C1orf21: variants seen among roughly 807,000 people sequenced by gnomAD.
C1orf21 encodes the protein chromosome 1 open reading frame 21, also known as uncharacterized protein C1orf21.
In C1orf21, 3 loss-of-function variants were observed where a neutral mutation model predicts 18.7. That is an observed-to-expected ratio of 0.16 (90% CI 0.07 to 0.42). C1orf21 has a LOEUF of 0.42. Among genes scored for constraint, C1orf21 ranks in the 10% least tolerant of loss-of-function variants. The pLI is 0.99. For synonymous variants in C1orf21, 41 were observed against 46.4 expected (o/e 0.88, Z 0.47); for missense variants, 104 against 143.6 (o/e 0.72, Z 1.41).
intron 3 of C1orf21, among the ~76,000 whole-genome samples, chr1:184,584,050 A>G (rs1311940963): frequency 6.6e-6 from 1 of 150,516 alleles, no homozygotes; most frequent in African/African-American, 2.4e-5. Flanking sequence ...TGCTGCTGGT[A>G]GTGAACCACG....
chr1:184,597,189 C>A (rs561347566), intron 4 of C1orf21, among the ~76,000 whole-genome samples: 2 of 152,266 alleles, frequency 1.3e-5, no homozygotes, highest in South Asian at 4.1e-4. Context: ...TTTGAATGAT[C>A]AGATAAAGGG....
chr1:184,453,248 A>G (rs2101980534), intron 1 of C1orf21, among the ~76,000 whole-genome samples: 1 of 152,286 alleles, frequency 6.6e-6, no homozygotes. Context: ...ATGCAATATT[A>G]ACTAGCTGAC....
At chr1:184,573,641 T>C (rs569533216) in intron 3 of C1orf21, among the ~76,000 whole-genome samples, 3 of 152,296 alleles carry the variant, frequency 2.0e-5, no homozygotes, top group Admixed American at 1.3e-4. Context: ...TCACTTTTTT[T>C]TTCTACACAG....
intron 1 of C1orf21, among the ~76,000 whole-genome samples, chr1:184,470,023 A>G (rs558227700): frequency 3.9e-4 from 59 of 152,332 alleles, no homozygotes; most frequent in African/African-American, 1.4e-3. Flanking sequence ...CTCTTTGATT[A>G]AAATCAAATT....
chr1:184,462,160 C>T (rs28533064), intron 1 of C1orf21, among the ~76,000 whole-genome samples: 3,981 of 152,250 alleles, frequency 0.026, 146 homozygotes, highest in African/African-American at 0.089. Context: ...CTTCCTCATT[C>T]GATGGACCAC....
chr1:184,566,152 G>A (rs1659033302), intron 3 of C1orf21, among the ~76,000 whole-genome samples: 1 of 152,128 alleles, frequency 6.6e-6, no homozygotes, highest in Non-Finnish European at 1.5e-5. Flanking sequence ...AGGAGTCGAG[G>A]TGCCCAGGCC....
At position 184,576,046 on chromosome 1, in the gene C1orf21, T is replaced by C. The variant is rs577801202; in HGVS notation, c.190-14693T>C. 2.1e-3 allele frequency among the ~76,000 whole-genome samples: 315 copies of C among 152,302 alleles called. 1 individual carries two copies. The highest frequency in any genetic ancestry group is 7.5e-3 in the African/African-American group (310 of 41,570). On this transcript the variant is annotated intron_variant, in intron 3 of 5. Transcript: ENST00000235307. ...CCCTGAATCCAGTCAGGCCCAAGCC[T>C]GATCAGCTTCATTCCTGTTAGGTAA...
chr1:184,395,733 T>G (rs1484287295), intron 1 of C1orf21, among the ~76,000 whole-genome samples: 1 of 152,154 alleles, frequency 6.6e-6, no homozygotes, highest in East Asian at 1.9e-4. Context: ...TTATTCCCAC[T>G]GTCCAACGTA....
chr1:184,577,028 T>C (rs1276067114), intron 3 of C1orf21, among the ~76,000 whole-genome samples: 2 of 151,912 alleles, frequency 1.3e-5, no homozygotes, highest in Non-Finnish European at 2.9e-5. Context: ...GTGTGACTCT[T>C]TACAGCCCAG....
intron 3 of C1orf21, among the ~76,000 whole-genome samples, chr1:184,583,641 T>A (rs554532017): frequency 6.6e-6 from 1 of 152,242 alleles, no homozygotes; most frequent in South Asian, 2.1e-4. Flanking sequence ...CTTTTTTGAG[T>A]GAAGAATAAC....
chr1:184,399,441 C>T (rs1055069925), intron 1 of C1orf21, among the ~76,000 whole-genome samples: 1 of 148,086 alleles, frequency 6.8e-6, no homozygotes, highest in African/African-American at 2.5e-5. Context: ...CGGCTCACTG[C>T]AGCCTCTGCC....
In C1orf21 at chr1:184,622,367, A is replaced by G. The variant is rs1157096956; in HGVS notation, c.*2811A>G. The G allele has an allele frequency of 6.6e-6, 1 of 152,510 alleles. No homozygotes were observed. The highest frequency in any genetic ancestry group is 1.5e-5 in the Non-Finnish European group (1 of 68,088). 9.4% of individuals were successfully genotyped at this position (152,510 alleles called of 1,614,324 possible). ...CCTAGTGGCCAGTGGGTGGGGCAAG[A>G]CTGTCAACGAGATTTACAGCTGGCT... On this transcript the variant is annotated 3_prime_UTR_variant, in exon 6 of 6. Transcript: ENST00000235307.
At chr1:184,543,311 C>T (rs930590091) in intron 3 of C1orf21, among the ~76,000 whole-genome samples, 1 of 152,048 alleles carries the variant, frequency 6.6e-6, no homozygotes, top group Non-Finnish European at 1.5e-5. Flanking sequence ...GATCACCCAG[C>T]CTGGGCAACA....
chr1:184,485,637 GT>G (rs150957726), intron 2 of C1orf21, among the ~76,000 whole-genome samples: 4,102 of 152,152 alleles, frequency 0.027, 188 homozygotes, highest in African/African-American at 0.094. Flanking sequence ...AGCCTTTTGT[GT>G]GTCAGGGGGT....
At chr1:184,618,519 T>C (rs1164538040) in intron 5 of C1orf21, among the ~76,000 whole-genome samples, 1 of 152,108 alleles carries the variant, frequency 6.6e-6, no homozygotes, top group African/African-American at 2.4e-5. Flanking sequence ...TTCTGTTATA[T>C]AGATAATGTG....
chr1:184,388,254 A>G (rs1027797904), intron 1 of C1orf21, among the ~76,000 whole-genome samples: 5 of 152,316 alleles, frequency 3.3e-5, no homozygotes, highest in South Asian at 2.1e-4. Flanking sequence ...TGGCTCAGGC[A>G]TGTCGGTAAA....
intron 1 of C1orf21, among the ~76,000 whole-genome samples, chr1:184,434,984 G>A (rs1363150848): frequency 2.6e-5 from 4 of 152,170 alleles, no homozygotes; most frequent in Non-Finnish European, 5.9e-5. Context: ...ACGTTATTAC[G>A]GTAGTGGGTA....
chr1:184,401,811 A>G (rs1316555247), intron 1 of C1orf21, among the ~76,000 whole-genome samples: 1 of 151,534 alleles, frequency 6.6e-6, no homozygotes, highest in African/African-American at 2.4e-5. Context: ...ATTAATTTTA[A>G]TAATATTTTT....
At chr1:184,576,929 A>C (rs373466920) in intron 3 of C1orf21, among the ~76,000 whole-genome samples, 1 of 151,848 alleles carries the variant, frequency 6.6e-6, no homozygotes, top group Non-Finnish European at 1.5e-5. Flanking sequence ...TGCACTCTGC[A>C]CTCCAGCCAG....
Sources: allele counts gnomAD v4.1 joint callset (sites outside exome capture counted in the v4.1 genomes callset), GRCh38; gene constraint gnomAD v4.1.1; transcripts MANE v1.5; gene names NCBI Gene and HGNC (gene_info 2026-07-23, HGNC 2026-07-21).